Variants in DPP10 observed in about 807,000 individuals in gnomAD.
DPP10 encodes dipeptidyl peptidase like 10.
In DPP10, 33 loss-of-function variants were observed where a neutral mutation model predicts 120.9. That is an observed-to-expected ratio of 0.27 (90% CI 0.21 to 0.37). The LOEUF (loss-of-function observed/expected upper bound fraction) is 0.37, where lower values mean the gene tolerates loss of function less well. DPP10 is among the 10% of genes least tolerant of loss of function. The pLI, the probability that DPP10 is intolerant of heterozygous loss-of-function variation, is 1.00. For missense variants in DPP10, 816 were observed against 942.8 expected, an observed-to-expected ratio of 0.87 and a Z score of 1.76; for synonymous variants, 337 against 326.1, an observed-to-expected ratio of 1.03 and a Z score of -0.36.
intron 1 of DPP10, among the ~76,000 whole-genome samples, chr2:114,699,079 C>T (rs1415697395): frequency 2.0e-5 from 3 of 152,044 alleles, no homozygotes; most frequent in Non-Finnish European, 4.4e-5. Flanking sequence ...TCTATTTGTC[C>T]ATGAGTACAC....
At chr2:115,248,382 T>C (rs964387201) in intron 1 of DPP10, among the ~76,000 whole-genome samples, 1 of 152,122 alleles carries the variant, frequency 6.6e-6, no homozygotes, top group African/African-American at 2.4e-5. Flanking sequence ...CTGGCCTCTT[T>C]TTCTTTAGAA....
At chr2:115,709,479 G>C (rs1013120585) in intron 7 of DPP10, among the ~76,000 whole-genome samples, 1 of 151,874 alleles carries the variant, frequency 6.6e-6, no homozygotes, top group Admixed American at 6.6e-5. Flanking sequence ...TAAAAAGATA[G>C]GATATATCAG....
At chr2:115,475,140 A>T (rs2074992044) in intron 3 of DPP10, among the ~76,000 whole-genome samples, 1 of 152,142 alleles carries the variant, frequency 6.6e-6, no homozygotes, top group Non-Finnish European at 1.5e-5. Flanking sequence ...GGCATTTCAG[A>T]GACCTCCATG....
intron 4 of DPP10, among the ~76,000 whole-genome samples, chr2:115,516,738 G>A (rs1055351841): frequency 4.6e-5 from 7 of 151,670 alleles, no homozygotes; most frequent in Non-Finnish European, 1.0e-4. Flanking sequence ...AAATTATGAA[G>A]ACATAATGAA....
chr2:115,694,700 A>C (rs2091487935), intron 7 of DPP10, among the ~76,000 whole-genome samples: 1 of 152,178 alleles, frequency 6.6e-6, no homozygotes, highest in Non-Finnish European at 1.5e-5. Context: ...GTAGACATGT[A>C]ACTATTGAGA....
chr2:115,242,107 G>A (rs1240417378), intron 1 of DPP10, among the ~76,000 whole-genome samples: 1 of 152,100 alleles, frequency 6.6e-6, no homozygotes, highest in Admixed American at 6.6e-5. Context: ...CATGACCCAA[G>A]CAGTATACAC....
At chr2:114,571,687 G>T (rs1024000407) in intron 1 of DPP10, among the ~76,000 whole-genome samples, 6 of 151,968 alleles carry the variant, frequency 3.9e-5, no homozygotes. Context: ...TTGAATTGCT[G>T]TGGTAGGTAG....
At chr2:115,010,618 T>C (rs1702195332) in intron 1 of DPP10, among the ~76,000 whole-genome samples, 1 of 152,204 alleles carries the variant, frequency 6.6e-6, no homozygotes, top group South Asian at 2.1e-4. Context: ...TAAGTCTAAG[T>C]AGCTCAACTG....
chr2:115,352,031 T>G (rs1163865504), intron 3 of DPP10, among the ~76,000 whole-genome samples: 2 of 152,184 alleles, frequency 1.3e-5, no homozygotes, highest in Non-Finnish European at 2.9e-5. Flanking sequence ...ATGACAATAC[T>G]TAAACTAAAC....
At position 114,762,951 on chromosome 2, in the gene DPP10, G is replaced by C. The variant is rs147341170; in HGVS notation, c.60+320113G>C. On this transcript the variant is annotated intron_variant, in intron 1 of 25. Transcript: ENST00000410059. ...AAAATAGTCAATAAAATATGGTCCA[G>C]TAAGGTTATGATATATATATGTCAT... Among the ~76,000 whole-genome samples the C allele has an allele frequency of 3.1e-3, 477 of 152,292 alleles. 14 individuals carry two copies. Among genetic ancestry groups the C allele is most frequent in the Admixed American group, 0.028 (428 of 15,298 alleles).
At chr2:114,700,560 A>G (rs1700328297) in intron 1 of DPP10, among the ~76,000 whole-genome samples, 1 of 152,112 alleles carries the variant, frequency 6.6e-6, no homozygotes. Context: ...TTACATCCAC[A>G]TCACAAACAC....
chr2:114,568,201 A>G (rs925646800), intron 1 of DPP10, among the ~76,000 whole-genome samples: 2 of 151,950 alleles, frequency 1.3e-5, no homozygotes, highest in Non-Finnish European at 2.9e-5. Context: ...TTATATATTT[A>G]TGGGGGCACA....
chr2:114,902,863 A>C (rs919305832), intron 1 of DPP10, among the ~76,000 whole-genome samples: 1 of 152,146 alleles, frequency 6.6e-6, no homozygotes. Context: ...CATTCTATGG[A>C]TTTGGACAAA....
intron 1 of DPP10, among the ~76,000 whole-genome samples, chr2:114,584,658 C>T (rs902040156): frequency 1.1e-4 from 17 of 149,534 alleles, no homozygotes; most frequent in South Asian, 6.4e-4. Flanking sequence ...TGGTTATTTG[C>T]CTTTTTTTAA....
intron 1 of DPP10, among the ~76,000 whole-genome samples, chr2:114,842,515 T>A (rs1231766888): frequency 6.6e-6 from 1 of 152,102 alleles, no homozygotes; most frequent in Non-Finnish European, 1.5e-5. Flanking sequence ...CATGGAAAAC[T>A]AATGCATATA....
chr2:115,729,016 G>A (rs1191026641), intron 8 of DPP10, among the ~76,000 whole-genome samples: 1 of 152,160 alleles, frequency 6.6e-6, no homozygotes, highest in East Asian at 1.9e-4. Context: ...CATGAAATAA[G>A]ATTTTTAGAG....
intron 1 of DPP10, among the ~76,000 whole-genome samples, chr2:115,299,426 A>G (rs1287666270): frequency 6.6e-6 from 1 of 151,968 alleles, no homozygotes; most frequent in Admixed American, 6.6e-5. Context: ...AAAGGATTGG[A>G]ATGCTGATAA....
At chr2:114,902,539 G>A (rs909298387) in intron 1 of DPP10, among the ~76,000 whole-genome samples, 11 of 148,844 alleles carry the variant, frequency 7.4e-5, no homozygotes, top group South Asian at 2.1e-4. Context: ...CAAAGGAATC[G>A]TGGCTATTAT....
intron 1 of DPP10, among the ~76,000 whole-genome samples, chr2:114,784,315 C>T (rs1682585447): frequency 6.6e-6 from 1 of 152,110 alleles, no homozygotes; most frequent in Non-Finnish European, 1.5e-5. Context: ...TTGTAAGAAA[C>T]AACAGCATCT....
Sources: allele counts gnomAD v4.1 joint callset (sites outside exome capture counted in the v4.1 genomes callset), GRCh38; gene constraint gnomAD v4.1.1; transcripts MANE v1.5; gene names NCBI Gene and HGNC (gene_info 2026-07-23, HGNC 2026-07-21).